Variants in CEP85L observed in about 807,000 individuals in gnomAD.
The protein encoded by CEP85L is centrosomal protein 85L, also known as centrosomal protein of 85 kDa-like.
In CEP85L, 60 loss-of-function variants were observed where a neutral mutation model predicts 100.3. The ratio of observed to expected loss-of-function variants is 0.60; its 90% CI spans 0.49 to 0.74. The LOEUF (loss-of-function observed/expected upper bound fraction) is 0.74. CEP85L is among the 30% of genes least tolerant of loss of function. The pLI, the probability that CEP85L is intolerant of heterozygous loss-of-function variation, is 0.00. For missense variants in CEP85L, 973 were observed against 936.2 expected (o/e 1.04, Z -0.51); for synonymous variants, 319 against 322.7 (o/e 0.99, Z 0.12).
At chr6:118,694,333 C>T (rs1777136393) in intron 1 of CEP85L, among the ~76,000 whole-genome samples, 1 of 151,956 alleles carries the variant, frequency 6.6e-6, no homozygotes, top group Non-Finnish European at 1.5e-5. Context: ...TTCATTACCA[C>T]CACTTAATAT....
rs1315625040 is a variant in CEP85L at position 118,651,447 on chromosome 6, G to A, written c.-178C>T. The A allele has an allele frequency of 7.6e-7, 1 of 1,322,564 alleles. No individual in the cohort carries two copies. Among genetic ancestry groups the A allele is most frequent in the Non-Finnish European group, 9.6e-7 (1 of 1,039,718 alleles). 81.9% of individuals were successfully genotyped at this position (1,322,564 alleles called of 1,614,324 possible). A position where few individuals can be genotyped will look rare whatever the true frequency, so the allele number is the denominator to read the frequency against. ...GGCGGGGAGCGCAGGGGCCAGATTC[G>A]CCGCACTGCCGGCGCCTGCCATGGC... is the stretch of plus-strand genomic sequence containing the variant. On this transcript the variant is annotated 5_prime_UTR_variant, in exon 1 of 13. Transcript: ENST00000368491.
chr6:118,506,909 CT>C (rs1775692329), intron 5 of CEP85L, among the ~76,000 whole-genome samples: 1 of 152,138 alleles, frequency 6.6e-6, no homozygotes, highest in East Asian at 1.9e-4. Flanking sequence ...CTCCCTCAGG[CT>C]CCTTCACAAG....
At chr6:118,567,616 G>A (rs1779630550) in intron 2 of CEP85L, among the ~76,000 whole-genome samples, 1 of 152,074 alleles carries the variant, frequency 6.6e-6, no homozygotes, top group East Asian at 1.9e-4. Context: ...TGGTGTGTGG[G>A]GAGGAAGTAA....
upstream of CEP85L, chr6:118,652,598 G>C (rs1418461967): frequency 1.2e-5 from 18 of 1,494,098 alleles, no homozygotes; most frequent in Middle Eastern, 2.4e-4. Flanking sequence ...GCTAACAAAG[G>C]CCTCATATTT....
At chr6:118,519,476 CG>C (rs112109156) in intron 4 of CEP85L, among the ~76,000 whole-genome samples, 2,559 of 11,896 alleles carry the variant, frequency 0.22, 413 homozygotes, top group African/African-American at 0.36. Flanking sequence ...GTGTGTGTGG[CG>C]GGGGGGGGTT....
At chr6:118,679,223 T>G (rs1776570664) in intron 1 of CEP85L, among the ~76,000 whole-genome samples, 1 of 152,250 alleles carries the variant, frequency 6.6e-6, no homozygotes, top group South Asian at 2.1e-4. Flanking sequence ...ATTTTTAATT[T>G]ACATGTCTGA....
At position 118,567,053 on chromosome 6, in the gene CEP85L, T is replaced by A. The variant is rs1779550320; in HGVS notation, c.233-737A>T. ...CTGAACTGTGAAAATCTATGCCAGA[T>A]CTAAACATTTTAGAACCTCCCCAAA... On this transcript the variant is annotated intron_variant, in intron 2 of 12. Transcript: ENST00000368491. Among the ~76,000 whole-genome samples, 4 of 151,784 alleles carry A rather than the reference T, an allele frequency of 2.6e-5. No homozygotes were observed. The South Asian group carries it at 8.3e-4, about 32-fold the overall frequency.
At chr6:118,630,959 C>T (rs1774106712) in intron 2 of CEP85L, among the ~76,000 whole-genome samples, 2 of 152,178 alleles carry the variant, frequency 1.3e-5, no homozygotes, top group Admixed American at 6.5e-5. Flanking sequence ...CTGAATCATC[C>T]CAAAACCAAC....
intron 1 of CEP85L, among the ~76,000 whole-genome samples, chr6:118,693,706 C>T (rs532857336): frequency 1.6e-4 from 24 of 152,288 alleles, no homozygotes; most frequent in South Asian, 1.0e-3. Context: ...CCTATGTGGA[C>T]GTTGCTGCTG....
rs143390806 is a variant in CEP85L, at chr6:118,468,342, C to A, written c.2254+730G>T. On this transcript the variant is annotated intron_variant, in intron 12 of 12. Coordinates refer to ENST00000368491, the MANE Select transcript of CEP85L (RefSeq NM_001042475.3). The stretch of plus-strand genomic sequence containing the variant: ...GGCAGCTACTAAATACACGTTGGCC[C>A]ATAAACCTTATTATATGGTCTTACT... 3.7e-3 allele frequency among the ~76,000 whole-genome samples: 565 copies of A among 152,260 alleles called. 3 individuals carry two copies. Among genetic ancestry groups the A allele is most frequent in the African/African-American group, 0.013 (539 of 41,544 alleles).
intron 1 of CEP85L, among the ~76,000 whole-genome samples, chr6:118,674,194 A>G (rs536896172): frequency 9.0e-4 from 137 of 152,340 alleles, no homozygotes; most frequent in African/African-American, 3.1e-3. Context: ...AAAAATTATG[A>G]ATATTTGTGC....
chr6:118,614,906 A>AGATT (rs1554230881), intron 2 of CEP85L, among the ~76,000 whole-genome samples: 1 of 150,548 alleles, frequency 6.6e-6, no homozygotes, highest in Non-Finnish European at 1.5e-5. Flanking sequence ...ATAGATAGAT[A>AGATT]GATTTTTTTA....
intron 3 of CEP85L, among the ~76,000 whole-genome samples, chr6:118,561,685 AC>A (rs1779231689): frequency 6.6e-6 from 1 of 152,148 alleles, no homozygotes; most frequent in Non-Finnish European, 1.5e-5. Flanking sequence ...AATCAGAATC[AC>A]TATATTAAAA....
chr6:118,554,822 C>G (rs753886784), intron 3 of CEP85L, among the ~76,000 whole-genome samples: 1 of 152,116 alleles, frequency 6.6e-6, no homozygotes, highest in Non-Finnish European at 1.5e-5. Flanking sequence ...ACATTCCAGG[C>G]AGAGATAGAA....
At position 118,566,032 on chromosome 6, in the gene CEP85L, T is replaced by C; in HGVS notation, c.517A>G (p.Thr173Ala). 6.2e-7 allele frequency: 1 copy of C among 1,614,216 alleles called. No individual in the cohort carries two copies. Among genetic ancestry groups the C allele is most frequent in the Non-Finnish European group, 8.5e-7 (1 of 1,180,040 alleles). The change falls in exon 3 of 13, where the codon ACT becomes GCT. Residue 173 changes from threonine to alanine, a missense_variant. Thr to Ala is a moderately conservative substitution (Grantham distance 58). This residue lies in a region of CEP85L where 890 missense variants were observed against 844.5 expected (regional missense o/e 1.05). Transcript: ENST00000368491. ...TAPDNCGQGG[T>A]VCREESRNGL... ...TTCCTTGACTCTTCTCTGCATACAG[T>C]GCCACCCTGGCCACAGTTATCCGGG...
At position 118,572,934 on chromosome 6, in the gene CEP85L, C is replaced by T. The variant is rs367750302; in HGVS notation, c.233-6618G>A. Among the ~76,000 whole-genome samples, 46 of 152,110 alleles carry T rather than the reference C, an allele frequency of 3.0e-4. 2 individuals are homozygous for T. In the East Asian group the frequency reaches 7.4e-3, roughly 24 times the overall value. On this transcript the variant is annotated intron_variant, in intron 2 of 12. Coordinates refer to ENST00000368491, the MANE Select transcript of CEP85L (RefSeq NM_001042475.3). ...AAAATTAGCCGGGCGCAGTGGTGCA[C>T]GCCTCTAATACCAGCTACTCGGGAG...
intron 2 of CEP85L, among the ~76,000 whole-genome samples, chr6:118,612,805 G>A (rs1438506222): frequency 6.6e-6 from 1 of 151,358 alleles, no homozygotes; most frequent in Non-Finnish European, 1.5e-5. Context: ...TGCTGAAATT[G>A]AAAACAGAAA....
chr6:118,550,673 A>G (rs1431600958), intron 3 of CEP85L, among the ~76,000 whole-genome samples: 5 of 151,918 alleles, frequency 3.3e-5, no homozygotes, highest in Non-Finnish European at 5.9e-5. Context: ...ACTAAGCCAC[A>G]TGCACATCCT....
chr6:118,551,922 T>C (rs559998991), intron 3 of CEP85L, among the ~76,000 whole-genome samples: 2 of 152,168 alleles, frequency 1.3e-5, no homozygotes, highest in South Asian at 4.1e-4. Flanking sequence ...AATCTAATGA[T>C]GAACTGTCCT....
Sources: gnomAD v4.1 joint callset for allele counts (sites outside exome capture counted in the v4.1 genomes callset) on GRCh38, gnomAD v4.1.1 for gene constraint, gnomAD v4.1.1 regional missense constraint, MANE v1.5 for transcripts, NCBI Gene and HGNC (gene_info 2026-07-23, HGNC 2026-07-21) for gene names.